The following COL25A1 variants were observed in gnomAD, a reference collection of about 807,000 sequenced individuals.
The protein encoded by COL25A1 is collagen alpha-1(XXV) chain.
COL25A1 carries 103 observed loss-of-function variants against 128.4 expected under a neutral mutation model. The observed-to-expected ratio is 0.80, with a 90% CI of 0.68 to 0.94. The LOEUF (loss-of-function observed/expected upper bound fraction) is 0.94, where lower values mean the gene tolerates loss of function less well. COL25A1 is among the 40% of genes least tolerant of loss of function. The pLI is 0.00. For missense variants in COL25A1, 745 were observed against 840.0 expected, an observed-to-expected ratio of 0.89 and a Z score of 1.40; for synonymous variants, 279 against 277.2, an observed-to-expected ratio of 1.01 and a Z score of -0.06.
At chr4:109,183,939 AAAG>A (rs1473383332) in intron 3 of COL25A1, among the ~76,000 whole-genome samples, 1 of 151,938 alleles carries the variant, frequency 6.6e-6, no homozygotes, top group Non-Finnish European at 1.5e-5. Flanking sequence ...AAAAAAAAAA[AAAG>A]ATTGGGCTCC....
intron 5 of COL25A1, among the ~76,000 whole-genome samples, chr4:109,024,575 A>C (rs1758074048): frequency 6.6e-6 from 1 of 152,096 alleles, no homozygotes; most frequent in African/African-American, 2.4e-5. Context: ...GGATGATAGG[A>C]TTATAAGTAA....
chr4:108,832,035 A>G (rs1233504684), intron 32 of COL25A1, among the ~76,000 whole-genome samples: 1 of 145,458 alleles, frequency 6.9e-6, no homozygotes, highest in African/African-American at 2.6e-5. Context: ...ATTATCAACC[A>G]GAATACATAC....
chr4:109,269,281 C>T (rs1342761162), intron 3 of COL25A1, among the ~76,000 whole-genome samples: 2 of 151,502 alleles, frequency 1.3e-5, no homozygotes, highest in Admixed American at 1.3e-4. Context: ...TTTATGGCTG[C>T]ATAGTATTCC....
chr4:109,019,375 C>CACATATATAT (rs1338511772), intron 5 of COL25A1, among the ~76,000 whole-genome samples: 7 of 48,878 alleles, frequency 1.4e-4, no homozygotes, highest in South Asian at 5.5e-4. Context: ...CACACACACA[C>CACATATATAT]ATATATATAT....
chr4:108,845,098 G>T, intron 29 of COL25A1, 91 bp downstream of exon 29: 1 of 1,072,480 alleles, frequency 9.3e-7, no homozygotes, highest in Non-Finnish European at 1.5e-6. Context: ...CTACTGTTGT[G>T]CAGCCATCTG....
intron 6 of COL25A1, among the ~76,000 whole-genome samples, chr4:108,975,485 G>T (rs1296256475): frequency 6.6e-6 from 1 of 152,166 alleles, no homozygotes; most frequent in East Asian, 1.9e-4. Context: ...AGTAATTCAT[G>T]TCTTTTGTGA....
At chr4:109,093,457 GAAA>G (rs564834752) in intron 3 of COL25A1, among the ~76,000 whole-genome samples, 4 of 69,450 alleles carry the variant, frequency 5.8e-5, no homozygotes, top group African/African-American at 1.3e-4. Flanking sequence ...CCATCTCTAT[GAAA>G]AAAAAAAAAA....
At chr4:109,220,822 T>C (rs904913862) in intron 3 of COL25A1, among the ~76,000 whole-genome samples, 1 of 152,168 alleles carries the variant, frequency 6.6e-6, no homozygotes, top group Non-Finnish European at 1.5e-5. Flanking sequence ...AATACTGTTA[T>C]TTCACTGTTT....
At chr4:109,298,908 G>T (rs1418123441) in intron 3 of COL25A1, among the ~76,000 whole-genome samples, 3 of 152,068 alleles carry the variant, frequency 2.0e-5, no homozygotes, top group African/African-American at 7.2e-5. Flanking sequence ...TTATTATTAC[G>T]TTCACATGCT....
chr4:108,907,024 G>A (rs1203118774), intron 13 of COL25A1, among the ~76,000 whole-genome samples: 1 of 152,188 alleles, frequency 6.6e-6, no homozygotes, highest in East Asian at 1.9e-4. Context: ...GGAACCGCAA[G>A]GCAGCTGTCA....
At chr4:108,996,837 G>A (rs1450436086) in intron 6 of COL25A1, among the ~76,000 whole-genome samples, 1 of 151,976 alleles carries the variant, frequency 6.6e-6, no homozygotes, top group Admixed American at 6.6e-5. Context: ...CAAAACCACA[G>A]AACTACATGG....
At chr4:108,969,979 G>C (rs1200427219) in intron 8 of COL25A1, among the ~76,000 whole-genome samples, 1 of 152,124 alleles carries the variant, frequency 6.6e-6, no homozygotes, top group Non-Finnish European at 1.5e-5. Context: ...TTGGCTCACT[G>C]CAACCTCCAC....
At chr4:109,233,915 A>G (rs1441388545) in intron 3 of COL25A1, among the ~76,000 whole-genome samples, 1 of 152,108 alleles carries the variant, frequency 6.6e-6, no homozygotes, top group Non-Finnish European at 1.5e-5. Flanking sequence ...GCTTCCAAAC[A>G]TAATACTGCA....
intron 3 of COL25A1, among the ~76,000 whole-genome samples, chr4:109,274,422 G>A (rs1193573354): frequency 6.6e-6 from 1 of 152,040 alleles, no homozygotes. Flanking sequence ...TACAGAAAGA[G>A]AAATGATTTC....
chr4:108,998,341 A>G (rs1452503997), intron 6 of COL25A1, among the ~76,000 whole-genome samples: 5 of 152,206 alleles, frequency 3.3e-5, no homozygotes, highest in Non-Finnish European at 5.9e-5. Flanking sequence ...AGAGAGCCAA[A>G]TCATGAGTGA....
At chr4:108,994,611 G>C (rs1754566540) in intron 6 of COL25A1, among the ~76,000 whole-genome samples, 1 of 152,200 alleles carries the variant, frequency 6.6e-6, no homozygotes, top group Admixed American at 6.5e-5. Flanking sequence ...AGAGAGCAGT[G>C]GTTCTCTCAG....
rs141541876 is a variant in COL25A1, at chr4:108,825,135, G to A, written c.1791+61C>T. The A allele has an allele frequency of 2.7e-4, 354 of 1,319,936 alleles. No homozygotes were observed. In the African/African-American group the frequency reaches 3.7e-3, roughly 14 times the overall value. The allele number at this position is 1,319,936 out of a possible 1,614,324, so 81.8% of individuals were successfully genotyped here. On this transcript the variant is annotated intron_variant, in intron 34 of 37. Transcript: ENST00000399132. The stretch of plus-strand genomic sequence containing the variant: ...AAAAAGAAGTATTCTTTTTGTTATC[G>A]ATGATGGAGACCATCAACATCTATT...
At chr4:108,847,557 T>C (rs1014625560) in intron 27 of COL25A1, among the ~76,000 whole-genome samples, 1 of 151,720 alleles carries the variant, frequency 6.6e-6, no homozygotes, top group Non-Finnish European at 1.5e-5. Flanking sequence ...CCAATGTACT[T>C]AGTGATAGAA....
At chr4:108,928,158 G>T (rs907293819) in intron 11 of COL25A1, among the ~76,000 whole-genome samples, 2 of 152,100 alleles carry the variant, frequency 1.3e-5, no homozygotes, top group African/African-American at 4.8e-5. Context: ...GTTCACAAAG[G>T]CCTATCACCC....
Sources: gnomAD v4.1 joint callset for allele counts (sites outside exome capture counted in the v4.1 genomes callset) on GRCh38, gnomAD v4.1.1 for gene constraint, MANE v1.5 for transcripts, NCBI Gene and HGNC (gene_info 2026-07-23, HGNC 2026-07-21) for gene names.